Variants in ADAMTSL1 observed in about 807,000 individuals in gnomAD.
ADAMTSL1 encodes ADAMTS like 1.
In ADAMTSL1, 126 loss-of-function variants were observed where a neutral mutation model predicts 201.8. The observed-to-expected ratio is 0.62, with a 90% confidence interval of 0.54 to 0.72. ADAMTSL1 has a LOEUF of 0.72. ADAMTSL1 is among the 30% of genes least tolerant of loss of function. The probability of loss-of-function intolerance (pLI) is 0.00; values close to 1 mark genes in which losing one functional copy is unlikely to be tolerated. For missense variants in ADAMTSL1, 2,679 were observed against 2,277.8 expected (o/e 1.18, Z -3.59); for synonymous variants, 1,121 against 903.4 (o/e 1.24, Z -4.32).
intron 2 of ADAMTSL1, among the ~76,000 whole-genome samples, chr9:18,438,206 G>T (rs943080487): frequency 6.7e-6 from 1 of 148,376 alleles, no homozygotes; most frequent in Non-Finnish European, 1.5e-5. Flanking sequence ...CATAGGAAGA[G>T]AAAGGAGGGG....
At chr9:18,052,780 T>C (rs1821995898) in intron 1 of ADAMTSL1, among the ~76,000 whole-genome samples, 1 of 151,586 alleles carries the variant, frequency 6.6e-6, no homozygotes, top group African/African-American at 2.4e-5. Context: ...AGCTGTGTTT[T>C]GTACTAGAGT....
At chr9:18,627,785 A>G (rs1188022629) in intron 5 of ADAMTSL1, among the ~76,000 whole-genome samples, 1 of 152,150 alleles carries the variant, frequency 6.6e-6, no homozygotes, top group Non-Finnish European at 1.5e-5. Context: ...TCCATTAGCA[A>G]CCTTAATTCC....
chr9:18,072,685 T>G (rs1006320011), intron 1 of ADAMTSL1, among the ~76,000 whole-genome samples: 1 of 152,226 alleles, frequency 6.6e-6, no homozygotes, highest in Non-Finnish European at 1.5e-5. Context: ...AAGAAAATCT[T>G]GGACCACTTG....
At chr9:18,514,884 A>C (rs1818272422) in intron 2 of ADAMTSL1, among the ~76,000 whole-genome samples, 1 of 152,206 alleles carries the variant, frequency 6.6e-6, no homozygotes, top group Non-Finnish European at 1.5e-5. Context: ...AGGAAAAGCC[A>C]TTGAGTGTGA....
At chr9:18,718,137 C>T (rs1833076548) in intron 14 of ADAMTSL1, 1 of 968,508 alleles carries the variant, frequency 1.0e-6, no homozygotes, top group Non-Finnish European at 1.7e-6. Flanking sequence ...AGATTTTTGA[C>T]CTTCTTCCTT....
chr9:18,090,286 G>C (rs1167200749), intron 1 of ADAMTSL1, among the ~76,000 whole-genome samples: 2 of 152,130 alleles, frequency 1.3e-5, no homozygotes, highest in Non-Finnish European at 2.9e-5. Context: ...GACTCAAATA[G>C]ATATTTATAA....
At chr9:17,974,531 C>A (rs1173834144) in intron 1 of ADAMTSL1, among the ~76,000 whole-genome samples, 2 of 151,956 alleles carry the variant, frequency 1.3e-5, no homozygotes. Flanking sequence ...TGTTCCCACC[C>A]CTCAGCCCCT....
intron 15 of ADAMTSL1, among the ~76,000 whole-genome samples, chr9:18,747,450 C>T (rs571756647): frequency 4.6e-5 from 7 of 152,038 alleles, no homozygotes; most frequent in Admixed American, 4.6e-4. Context: ...GCCCCATTCT[C>T]GGTGCCTTTA....
chr9:18,704,554 G>A (rs994806810), intron 13 of ADAMTSL1, among the ~76,000 whole-genome samples: 7 of 152,176 alleles, frequency 4.6e-5, no homozygotes, highest in Admixed American at 1.3e-4. Flanking sequence ...AAATAGTTGA[G>A]CATGCATTTT....
At chr9:18,388,783 G>A (rs1425467422) in intron 2 of ADAMTSL1, among the ~76,000 whole-genome samples, 1 of 150,724 alleles carries the variant, frequency 6.6e-6, no homozygotes, top group Non-Finnish European at 1.5e-5. Flanking sequence ...TTGAGATGGA[G>A]TCTCACTCTG....
At chr9:18,527,849 C>A (rs1056181544) in intron 2 of ADAMTSL1, among the ~76,000 whole-genome samples, 10 of 152,016 alleles carry the variant, frequency 6.6e-5, no homozygotes, top group Admixed American at 2.0e-4. Context: ...ATTTTTGTTG[C>A]AAATTTGAAT....
chr9:18,334,469 A>C (rs546568790), intron 2 of ADAMTSL1, among the ~76,000 whole-genome samples: 2 of 152,288 alleles, frequency 1.3e-5, no homozygotes, highest in Admixed American at 1.3e-4. Context: ...GTCTTGTTTA[A>C]AGTGCTGCTG....
chr9:18,278,868 T>C (rs1335948257), intron 2 of ADAMTSL1, among the ~76,000 whole-genome samples: 1 of 152,178 alleles, frequency 6.6e-6, no homozygotes, highest in Admixed American at 6.5e-5. Context: ...TTTTCCCTTT[T>C]TATTCCTCTG....
intron 10 of ADAMTSL1, among the ~76,000 whole-genome samples, chr9:18,678,306 C>T (rs1022925624): frequency 3.3e-5 from 5 of 152,096 alleles, no homozygotes; most frequent in African/African-American, 1.2e-4. Context: ...ATTCCAAGCA[C>T]TTACCTGGTT....
At chr9:18,020,431 G>A (rs1161046472) in intron 1 of ADAMTSL1, among the ~76,000 whole-genome samples, 1 of 152,062 alleles carries the variant, frequency 6.6e-6, no homozygotes, top group South Asian at 2.1e-4. Context: ...CAGCTACGGT[G>A]GGGGAAGCTC....
At chr9:17,955,268 T>C (rs1212982388) in intron 1 of ADAMTSL1, among the ~76,000 whole-genome samples, 1 of 152,184 alleles carries the variant, frequency 6.6e-6, no homozygotes, top group Non-Finnish European at 1.5e-5. Context: ...CTGCATCAAC[T>C]AAGTGGCTCA....
At chr9:18,671,137 T>C (rs953718843) in intron 9 of ADAMTSL1, among the ~76,000 whole-genome samples, 9 of 152,180 alleles carry the variant, frequency 5.9e-5, no homozygotes, top group Admixed American at 5.2e-4. Context: ...CAGGCTATGG[T>C]TGAATCCGTG....
chr9:18,219,423 C>T, intron 2 of ADAMTSL1, among the ~76,000 whole-genome samples: 1 of 151,800 alleles, frequency 6.6e-6, no homozygotes. Flanking sequence ...GGCTGAAGTG[C>T]AGTGGCACAA....
intron 5 of ADAMTSL1, among the ~76,000 whole-genome samples, chr9:18,634,184 A>G (rs1826955456): frequency 6.6e-6 from 1 of 152,210 alleles, no homozygotes; most frequent in Admixed American, 6.5e-5. Context: ...ATTAAGGTTC[A>G]GAGAAATTGA....
Sources: gnomAD v4.1 joint callset for allele counts (sites outside exome capture counted in the v4.1 genomes callset) on GRCh38, gnomAD v4.1.1 for gene constraint, MANE v1.5 for transcripts, NCBI Gene and HGNC (gene_info 2026-07-23, HGNC 2026-07-21) for gene names.